Variants in FGF9 observed in about 807,000 individuals in gnomAD.
FGF9 encodes the protein fibroblast growth factor 9, also known as fibroblast growth factor 9 (glia-activating factor).
A neutral mutation model predicts 19.9 loss-of-function variants in FGF9; 3 were observed. The ratio of observed to expected loss-of-function variants is 0.15; its 90% CI spans 0.07 to 0.39. The LOEUF is 0.39. FGF9 is among the 10% of genes least tolerant of loss of function. The probability of loss-of-function intolerance (pLI) is 1.00; values close to 1 mark genes in which losing one functional copy is unlikely to be tolerated. For synonymous variants in FGF9, 107 were observed against 106.9 expected (o/e 1.00, Z -0.01); for missense variants, 175 against 256.8 (o/e 0.68, Z 2.18).
chr13:21,671,126 A>G lies in FGF9; in HGVS notation c.-787A>G, dbSNP rs1871752125. Among the ~76,000 whole-genome samples, 2 of 152,064 alleles carry G rather than the reference A, an allele frequency of 1.3e-5. No individual in the cohort carries two copies. Among genetic ancestry groups the G allele is most frequent in the Non-Finnish European group, 2.9e-5 (2 of 67,942 alleles). On this transcript the variant is annotated 5_prime_UTR_variant, in exon 1 of 3. Transcript: ENST00000382353. ...CAGGAGGAGCGCTCCGCCCGGCTAC[A>G]ACGCTCCGCGAGCCGGCGCGGCAAC...
chr13:21,672,041 G>C lies in FGF9; in HGVS notation c.129G>C (p.Gly43=). The C allele has an allele frequency of 6.2e-7, 1 of 1,614,248 alleles. No individual in the cohort carries two copies. The highest frequency in any genetic ancestry group is 1.3e-5 in the African/African-American group (1 of 75,056). The change falls in exon 1 of 3, where the codon GGG becomes GGC. Residue 43 remains glycine, a synonymous_variant. Transcript: ENST00000382353. The surrounding 1 kb of genome is among the most constrained non-coding windows in gnomAD (Gnocchi z 4.2). ...LSDHLGQSEA[G]GLPRGPAVTD... ...ACCACCTGGGTCAGTCCGAAGCAGGGGGGCTCCCCAGGGGACCCGCAGTCA... is the reference window on the plus strand; with the variant it reads ...ACCACCTGGGTCAGTCCGAAGCAGGCGGGCTCCCCAGGGGACCCGCAGTCA...
chr13:21,692,471 G>C (rs1408025360), intron 2 of FGF9, among the ~76,000 whole-genome samples: 1 of 152,150 alleles, frequency 6.6e-6, no homozygotes, highest in Admixed American at 6.5e-5. Context: ...GATGAAGCAC[G>C]GTTAGTGGAA....
intron 1 of FGF9, among the ~76,000 whole-genome samples, chr13:21,677,799 G>A (rs1007992211): frequency 1.3e-5 from 2 of 152,200 alleles, no homozygotes; most frequent in African/African-American, 4.8e-5. Context: ...GCGGAGAAAT[G>A]GGTGGTGGTT....
chr13:21,672,462 G>A lies in FGF9; in HGVS notation c.277+273G>A, dbSNP rs1277776942. Among the ~76,000 whole-genome samples, 2 of 152,186 alleles carry A rather than the reference G, an allele frequency of 1.3e-5. No homozygotes were observed. Among genetic ancestry groups the A allele is most frequent in the East Asian group, 1.9e-4 (1 of 5,190 alleles). On this transcript the variant is annotated intron_variant, in intron 1 of 2. Coordinates refer to ENST00000382353, the MANE Select transcript of FGF9 (RefSeq NM_002010.3). The surrounding 1 kb of genome is among the most constrained non-coding windows in gnomAD (Gnocchi z 4.2). ...GGCATAATTTATAAATATAATACAA[G>A]TTTCCAGTTCTTTTGCATCAGATAC... is the stretch of plus-strand genomic sequence containing the variant.
intron 1 of FGF9, among the ~76,000 whole-genome samples, chr13:21,677,053 C>G (rs1871933079): frequency 1.3e-5 from 2 of 152,184 alleles, no homozygotes; most frequent in Admixed American, 1.3e-4. Flanking sequence ...TCTCACACCT[C>G]ATCAAATCCA....
At chr13:21,684,208 A>G (rs1872105898) in intron 2 of FGF9, among the ~76,000 whole-genome samples, 1 of 152,138 alleles carries the variant, frequency 6.6e-6, no homozygotes, top group Non-Finnish European at 1.5e-5. Context: ...AGCATTTCTT[A>G]TGTTTTCCTT....
Position 21,702,818 on chromosome 13 carries a change from A to T in FGF9, c.*1383A>T, listed in dbSNP as rs1215920854. ...CCCTTAGTAAAACTTGCAAAATGAA[A>T]CTAATAAATCGTTATCAATAATGAC... On this transcript the variant is annotated 3_prime_UTR_variant, in exon 3 of 3. Coordinates refer to ENST00000382353, the MANE Select transcript of FGF9 (RefSeq NM_002010.3). The T allele has an allele frequency of 6.6e-6, 1 of 152,222 alleles. No individual in the cohort carries two copies. Among genetic ancestry groups the T allele is most frequent in the African/African-American group, 2.4e-5 (1 of 41,466 alleles). The allele number at this position is 152,222 out of a possible 1,614,324, so 9.4% of individuals were successfully genotyped here.
intron 2 of FGF9, among the ~76,000 whole-genome samples, chr13:21,694,454 T>C (rs1323763700): frequency 6.6e-6 from 1 of 152,228 alleles, no homozygotes; most frequent in Non-Finnish European, 1.5e-5. Context: ...CATGTCTTTC[T>C]TGAATCCTTA....
chr13:21,694,309 C>G (rs1593098544), intron 2 of FGF9, among the ~76,000 whole-genome samples: 2 of 152,068 alleles, frequency 1.3e-5, no homozygotes, highest in African/African-American at 4.8e-5. Flanking sequence ...CCTTTTATTT[C>G]TACAAATCAT....
At chr13:21,675,938 T>TC (rs1565948467) in intron 1 of FGF9, among the ~76,000 whole-genome samples, 1 of 150,826 alleles carries the variant, frequency 6.6e-6, no homozygotes, top group East Asian at 1.9e-4. Flanking sequence ...TTTTTTTTTT[T>TC]TCCCCCTCGG....
At chr13:21,683,936 G>A (rs1006647832) in intron 2 of FGF9, among the ~76,000 whole-genome samples, 6 of 152,226 alleles carry the variant, frequency 3.9e-5, no homozygotes, top group African/African-American at 1.4e-4. Context: ...TGCTTAGGAT[G>A]AACCGCTGCC....
intron 1 of FGF9, among the ~76,000 whole-genome samples, chr13:21,673,681 A>C (rs1413714431): frequency 2.0e-5 from 3 of 152,040 alleles, no homozygotes; most frequent in Admixed American, 1.3e-4. Context: ...ATACCAGAAC[A>C]ACAGGCAGTG....
In FGF9 at chr13:21,701,611, T is replaced by A; in HGVS notation, c.*176T>A. The A allele has an allele frequency of 1.2e-6, 1 of 848,224 alleles. No homozygotes were observed. Among genetic ancestry groups the A allele is most frequent in the East Asian group, 2.7e-5 (1 of 36,364 alleles). 52.5% of individuals were successfully genotyped at this position (848,224 alleles called of 1,614,324 possible). Reference sequence around the variant, plus strand: ...GAATATGCTGATTTTGTTCTGCACTTAAAGGCTTCTCCTCCTGGAGGGCTG... The same window carrying A: ...GAATATGCTGATTTTGTTCTGCACTAAAAGGCTTCTCCTCCTGGAGGGCTG... On this transcript the variant is annotated 3_prime_UTR_variant, in exon 3 of 3. Transcript: ENST00000382353.
In FGF9 at chr13:21,672,225, T is replaced by G. The variant is rs762853616; in HGVS notation, c.277+36T>G. 3 of 1,612,754 alleles carry G rather than the reference T, an allele frequency of 1.9e-6. No homozygotes were observed. In the African/African-American group the frequency reaches 4.0e-5, roughly 22 times the overall value. ...CATTAACCCTTTAGTGTCCATGAGATGACATGTTGAAATTATAACTACCAA... is the reference window on the plus strand; with the variant it reads ...CATTAACCCTTTAGTGTCCATGAGAGGACATGTTGAAATTATAACTACCAA... On this transcript the variant is annotated intron_variant, in intron 1 of 2. Coordinates refer to ENST00000382353, the MANE Select transcript of FGF9 (RefSeq NM_002010.3). This position sits in a 1 kb window ranked among gnomAD's most constrained non-coding sequence, Gnocchi z 4.2.
chr13:21,687,930 C>A (rs887476679), intron 2 of FGF9, among the ~76,000 whole-genome samples: 18 of 152,152 alleles, frequency 1.2e-4, no homozygotes, highest in Non-Finnish European at 2.2e-4. Flanking sequence ...AAAGTAAAGA[C>A]ATTCTTGGAG....
At chr13:21,673,625 G>C (rs1278694101) in intron 1 of FGF9, among the ~76,000 whole-genome samples, 2 of 152,236 alleles carry the variant, frequency 1.3e-5, no homozygotes, top group African/African-American at 4.8e-5. Flanking sequence ...TAAAAGTGCC[G>C]TTTCCATCTG....
At chr13:21,687,272 G>A (rs1872183611) in intron 2 of FGF9, among the ~76,000 whole-genome samples, 1 of 152,158 alleles carries the variant, frequency 6.6e-6, no homozygotes, top group Non-Finnish European at 1.5e-5. Flanking sequence ...AGGTCCCTCT[G>A]TCCCAGAATT....
chr13:21,693,829 A>G (rs1417874432), intron 2 of FGF9, among the ~76,000 whole-genome samples: 1 of 152,090 alleles, frequency 6.6e-6, no homozygotes, highest in Non-Finnish European at 1.5e-5. Flanking sequence ...TCCTCCTTGA[A>G]ACAGCAATCT....
At chr13:21,676,351 T>C (rs1467798458) in intron 1 of FGF9, among the ~76,000 whole-genome samples, 2 of 151,548 alleles carry the variant, frequency 1.3e-5, no homozygotes, top group African/African-American at 4.9e-5. Context: ...GATAGTATGA[T>C]TTTTTTAAAC....
Sources: gnomAD v4.1 joint callset for allele counts (sites outside exome capture counted in the v4.1 genomes callset) on GRCh38, gnomAD v4.1.1 for gene constraint, Gnocchi (gnomAD v3.1) non-coding constraint, MANE v1.5 for transcripts, NCBI Gene and HGNC (gene_info 2026-07-23, HGNC 2026-07-21) for gene names.